Variants in FAM227A observed in about 807,000 individuals in gnomAD.
The protein encoded by FAM227A is protein FAM227A.
Under a neutral mutation model 74.7 loss-of-function variants are expected in FAM227A, and 80 were observed. The observed-to-expected ratio is 1.07, with a 90% CI of 0.89 to 1.29. FAM227A has a LOEUF of 1.29. Ranked by LOEUF, FAM227A falls within the 50% of genes most tolerant of loss-of-function variation. The pLI, the probability that FAM227A is intolerant of heterozygous loss-of-function variation, is 0.00. For missense variants in FAM227A, 654 were observed against 683.4 expected (o/e 0.96, Z 0.48); for synonymous variants, 237 against 241.8 (o/e 0.98, Z 0.19).
rs919233631 is a variant in FAM227A at position 38,606,196 on chromosome 22, TCTCA to T, written c.1127-852_1127-849del. On this transcript the variant is annotated intron_variant, in intron 12 of 16. Transcript: ENST00000535113. ...ACTTTTATTTTTTTTTGAGACAGGG[TCTCA>T]CTGTCACCCAGGCTTGAGTGCAGTG... Among the ~76,000 whole-genome samples, 35 of 152,142 alleles carry T rather than the reference TCTCA, an allele frequency of 2.3e-4. No homozygotes were observed. The South Asian group carries it at 5.8e-3, about 25-fold the overall frequency.
chr22:38,612,873 G>C lies in FAM227A; in HGVS notation c.1039-5397C>G, dbSNP rs188736415. On this transcript the variant is annotated intron_variant, in intron 11 of 16. Transcript: ENST00000535113. Reference sequence around the variant, plus strand: ...CAGCATGGCCTCTGAAGCTAACACGGAGACTCTTCCAGGGTAGCTGTGCAC... The same window carrying C: ...CAGCATGGCCTCTGAAGCTAACACGCAGACTCTTCCAGGGTAGCTGTGCAC... Among the ~76,000 whole-genome samples the C allele has an allele frequency of 2.8e-3, 417 of 150,916 alleles. 2 individuals are homozygous for C. Among genetic ancestry groups the C allele is most frequent in the African/African-American group, 9.8e-3 (401 of 41,024 alleles).
chr22:38,613,044 ATATATATAT>A (rs1216365040), intron 11 of FAM227A, among the ~76,000 whole-genome samples: 1 of 117,966 alleles, frequency 8.5e-6, no homozygotes, highest in Non-Finnish European at 1.6e-5. Context: ...ATATATTTTT[ATATATATAT>A]TATATATATG....
chr22:38,626,358 T>C (rs2091800307), intron 8 of FAM227A, 55 bp from the exon 9 acceptor site: 1 of 1,518,552 alleles, frequency 6.6e-7, no homozygotes, highest in East Asian at 2.5e-5. Context: ...CCGGCTTACA[T>C]GATTTGGGGA....
intron 10 of FAM227A, among the ~76,000 whole-genome samples, chr22:38,621,219 G>T (rs185066750): frequency 1.3e-5 from 2 of 151,868 alleles, no homozygotes; most frequent in Non-Finnish European, 2.9e-5. Flanking sequence ...GTGTGGTGGA[G>T]CATGCCTGTA....
chr22:38,579,148 A>G lies in FAM227A; in HGVS notation c.*6977T>C, dbSNP rs1343838336. The G allele has an allele frequency of 6.6e-6, 1 of 152,060 alleles. No individual in the cohort carries two copies. Among genetic ancestry groups the G allele is most frequent in the Non-Finnish European group, 1.5e-5 (1 of 68,056 alleles). The allele number at this position is 152,060 out of a possible 1,614,324, so 9.4% of individuals were successfully genotyped here. A position where few individuals can be genotyped will look rare whatever the true frequency, so the allele number is the denominator to read the frequency against. On this transcript the variant is annotated 3_prime_UTR_variant, in exon 17 of 17. Coordinates refer to ENST00000535113, the MANE Select transcript of FAM227A (RefSeq NM_001013647.2). Reference sequence around the variant, plus strand: ...CATATCTTGACTTTATTTTCCTGTCATAAGTACACATAGGAGCAGCAACTA... The same window carrying G: ...CATATCTTGACTTTATTTTCCTGTCGTAAGTACACATAGGAGCAGCAACTA...
At chr22:38,652,544 C>G (rs1049831562) in intron 1 of FAM227A, among the ~76,000 whole-genome samples, 30 of 147,128 alleles carry the variant, frequency 2.0e-4, no homozygotes, top group African/African-American at 7.6e-4. Context: ...GCCGAGATCA[C>G]GCCACTGCAC....
intron 11 of FAM227A, among the ~76,000 whole-genome samples, chr22:38,613,987 C>A (rs962828909): frequency 3.9e-5 from 6 of 152,074 alleles, no homozygotes; most frequent in Non-Finnish European, 7.4e-5. Context: ...TGCCTCAGTC[C>A]CCCAAGTAGC....
At chr22:38,652,809 G>A (rs2092342158) in intron 1 of FAM227A, among the ~76,000 whole-genome samples, 2 of 149,650 alleles carry the variant, frequency 1.3e-5, no homozygotes, top group Non-Finnish European at 1.5e-5. Flanking sequence ...CCTGGGAGGC[G>A]GGGCTTGCAG....
intron 15 of FAM227A, among the ~76,000 whole-genome samples, chr22:38,596,415 G>A (rs1009889857): frequency 6.6e-6 from 1 of 152,128 alleles, no homozygotes; most frequent in Non-Finnish European, 1.5e-5. Flanking sequence ...ACAGTGGCTC[G>A]TGTCTGTAAT....
intron 16 of FAM227A, among the ~76,000 whole-genome samples, chr22:38,587,789 T>C (rs771990516): frequency 2.8e-4 from 42 of 152,216 alleles, no homozygotes; most frequent in Non-Finnish European, 5.0e-4. Flanking sequence ...AAAGAAATTA[T>C]AGACCACTCT....
At chr22:38,611,034 T>C (rs370529452) in intron 11 of FAM227A, among the ~76,000 whole-genome samples, 1 of 152,018 alleles carries the variant, frequency 6.6e-6, no homozygotes, top group Non-Finnish European at 1.5e-5. Flanking sequence ...CACTCCAGCC[T>C]GGGTGACAGG....
chr22:38,603,730 G>T (rs1224977870), intron 13 of FAM227A, among the ~76,000 whole-genome samples: 1 of 151,990 alleles, frequency 6.6e-6, no homozygotes, highest in Non-Finnish European at 1.5e-5. Flanking sequence ...GGCCCCCAGA[G>T]GTCACAAACA....
At chr22:38,608,555 C>CTACT (rs2091340309) in intron 11 of FAM227A, among the ~76,000 whole-genome samples, 1 of 151,830 alleles carries the variant, frequency 6.6e-6, no homozygotes, top group Non-Finnish European at 1.5e-5. Context: ...CTCAGCCTCC[C>CTACT]GAGTAGCTAG....
intron 14 of FAM227A, among the ~76,000 whole-genome samples, chr22:38,598,953 CTTTCT>C (rs945247962): frequency 3.5e-5 from 5 of 142,398 alleles, no homozygotes; most frequent in Non-Finnish European, 7.7e-5. Flanking sequence ...CACTTGTTTT[CTTTCT>C]TTTTTTTTTT....
chr22:38,618,939 C>A (rs116848925), intron 11 of FAM227A, among the ~76,000 whole-genome samples: 1 of 150,926 alleles, frequency 6.6e-6, no homozygotes, highest in Non-Finnish European at 1.5e-5. Flanking sequence ...TTTGCTAAAC[C>A]CTGCCCTGGG....
chr22:38,600,604 C>T (rs1376770233), intron 13 of FAM227A, among the ~76,000 whole-genome samples: 2 of 151,780 alleles, frequency 1.3e-5, no homozygotes, highest in African/African-American at 4.8e-5. Context: ...TCCCAAAGTG[C>T]TTGGATTATA....
intron 3 of FAM227A, 71 bp downstream of exon 3, chr22:38,645,492 C>T (rs2145714964): frequency 1.7e-5 from 17 of 986,484 alleles, no homozygotes; most frequent in Non-Finnish European, 2.5e-5. Context: ...CAGGGCACTG[C>T]AACACCTTGA....
rs1460553771 is a variant in FAM227A at position 38,628,815 on chromosome 22, C to T, written c.621+19G>A. On this transcript the variant is annotated intron_variant, in intron 7 of 16. Transcript: ENST00000535113. ...AAATAACTTAAGCAAGGCAGAGAAA[C>T]AAGCAGATTTGTATTTACCTGGTAC... The T allele has an allele frequency of 5.9e-6, 8 of 1,349,394 alleles. No homozygotes were observed. The highest frequency in any genetic ancestry group is 8.2e-6 in the Non-Finnish European group (8 of 970,212). The allele number at this position is 1,349,394 out of a possible 1,614,324, so 83.6% of individuals were successfully genotyped here.
At chr22:38,604,183 C>T (rs565366791) in intron 13 of FAM227A, among the ~76,000 whole-genome samples, 1 of 151,876 alleles carries the variant, frequency 6.6e-6, no homozygotes, top group Non-Finnish European at 1.5e-5. Context: ...AAAAATTAGC[C>T]GGGTGTGGTG....
Sources: gnomAD v4.1 joint callset for allele counts (sites outside exome capture counted in the v4.1 genomes callset) on GRCh38, gnomAD v4.1.1 for gene constraint, MANE v1.5 for transcripts, NCBI Gene and HGNC (gene_info 2026-07-23, HGNC 2026-07-21) for gene names.